ATP10D: variants seen among roughly 807,000 people sequenced by gnomAD.
ATP10D encodes phospholipid-transporting ATPase VD.
In ATP10D, 89 loss-of-function variants were observed where a neutral mutation model predicts 144.8. The ratio of observed to expected loss-of-function variants is 0.61; its 90% confidence interval spans 0.52 to 0.73. The LOEUF (loss-of-function observed/expected upper bound fraction) is 0.73. Ranked by LOEUF, ATP10D falls within the 30% of genes least tolerant of loss-of-function variation. The pLI is 0.00. For synonymous variants in ATP10D, 571 were observed against 615.1 expected (o/e 0.93, Z 1.06); for missense variants, 1,603 against 1,714.8 (o/e 0.93, Z 1.15).
chr4:47,580,296 A>G (rs1019762193), intron 19 of ATP10D, 102 bp from the exon 20 acceptor site: 10 of 918,660 alleles, frequency 1.1e-5, no homozygotes, highest in Non-Finnish European at 1.8e-5. Context: ...GAAGAAATGG[A>G]GCTTTCTCTC....
At chr4:47,520,565 TG>T (rs1427028491) in intron 3 of ATP10D, among the ~76,000 whole-genome samples, 1 of 152,038 alleles carries the variant, frequency 6.6e-6, no homozygotes, top group Non-Finnish European at 1.5e-5. Context: ...ACTTCTTTTT[TG>T]TTTTGTTTTG....
chr4:47,590,756 ATG>A (rs1720990113), intron 22 of ATP10D, among the ~76,000 whole-genome samples: 1 of 152,132 alleles, frequency 6.6e-6, no homozygotes, highest in Non-Finnish European at 1.5e-5. Flanking sequence ...CATTAAGCCT[ATG>A]TAGCAACTAT....
intron 5 of ATP10D, among the ~76,000 whole-genome samples, chr4:47,532,684 G>A (rs985093914): frequency 1.3e-5 from 2 of 152,136 alleles, no homozygotes; most frequent in Non-Finnish European, 2.9e-5. Flanking sequence ...TAAGCTACCT[G>A]TCTATATGAC....
At chr4:47,524,127 C>T (rs1395048941) in intron 4 of ATP10D, among the ~76,000 whole-genome samples, 3 of 152,070 alleles carry the variant, frequency 2.0e-5, no homozygotes, top group Non-Finnish European at 4.4e-5. Context: ...ACGGTTTGAC[C>T]GTGTTAGCCA....
In ATP10D at chr4:47,515,952, G is replaced by A. The variant is rs559227039; in HGVS notation, c.485+282G>A. Among the ~76,000 whole-genome samples the A allele has an allele frequency of 1.2e-4, 19 of 152,304 alleles. No individual in the cohort carries two copies. In the South Asian group the frequency reaches 2.1e-3, roughly 17 times the overall value. ...ATTAAAAGAATTAAACTTCAGGGCC[G>A]GGCGTGGTGGCTCACGCCTGTAATC... On this transcript the variant is annotated intron_variant, in intron 3 of 22. Transcript: ENST00000273859.
At chr4:47,568,389 C>G (rs187053780) in intron 15 of ATP10D, among the ~76,000 whole-genome samples, 98 of 152,284 alleles carry the variant, frequency 6.4e-4, no homozygotes, top group Middle Eastern at 6.8e-3. Context: ...ATGTGTCATG[C>G]CTTACACTAG....
intron 1 of ATP10D, chr4:47,491,280 GT>G: frequency 4.5e-6 from 4 of 890,102 alleles, no homozygotes; most frequent in Non-Finnish European, 5.5e-6. Context: ...GACTCTTCCA[GT>G]TTTGCCATGG....
intron 10 of ATP10D, among the ~76,000 whole-genome samples, chr4:47,552,597 G>A (rs1718782757): frequency 6.6e-6 from 1 of 152,186 alleles, no homozygotes. Flanking sequence ...TCACCTTGCA[G>A]GTTAGGATTT....
intron 10 of ATP10D, among the ~76,000 whole-genome samples, chr4:47,554,139 A>G (rs1209802860): frequency 6.6e-6 from 1 of 152,248 alleles, no homozygotes; most frequent in Non-Finnish European, 1.5e-5. Flanking sequence ...AGAAGAAAGT[A>G]TAGTTGCCAA....
chr4:47,589,020 G>T (rs151245702), intron 22 of ATP10D, among the ~76,000 whole-genome samples: 12 of 152,254 alleles, frequency 7.9e-5, no homozygotes, highest in East Asian at 7.7e-4. Flanking sequence ...TATCCAGGTG[G>T]ATCCTAAATG....
At chr4:47,494,451 C>T (rs530871556) in intron 1 of ATP10D, among the ~76,000 whole-genome samples, 4 of 150,288 alleles carry the variant, frequency 2.7e-5, no homozygotes, top group African/African-American at 9.8e-5. Flanking sequence ...TTTCATAGTG[C>T]ATCTGTAAAC....
At chr4:47,512,858 T>A (rs545302277) in intron 2 of ATP10D, 28 bp downstream of exon 2, 2 of 1,559,118 alleles carry the variant, frequency 1.3e-6, no homozygotes, top group Non-Finnish European at 1.8e-6. Context: ...AAGAAAACCT[T>A]AGAATATCAT....
chr4:47,514,841 T>A (rs1354385657), intron 2 of ATP10D, among the ~76,000 whole-genome samples: 1 of 152,152 alleles, frequency 6.6e-6, no homozygotes, highest in African/African-American at 2.4e-5. Flanking sequence ...AACTCTGAAT[T>A]TCTTCTAAAT....
In ATP10D at chr4:47,485,291, G is replaced by A. The variant is rs943889856; in HGVS notation, c.-266G>A. On this transcript the variant is annotated 5_prime_UTR_variant, in exon 1 of 23. Transcript: ENST00000273859. ...GGCTGCTCTGCAGCCTGGCGGAGAC[G>A]GGAGGAGGAGCGGAGGGAGAAGTAG... 2 of 152,440 alleles carry A rather than the reference G, an allele frequency of 1.3e-5. No individual in the cohort carries two copies. Among genetic ancestry groups the A allele is most frequent in the African/African-American group, 4.8e-5 (2 of 41,452 alleles). The allele number at this position is 152,440 out of a possible 1,614,324, so 9.4% of individuals were successfully genotyped here. A position where few individuals can be genotyped will look rare whatever the true frequency, so the allele number is the denominator to read the frequency against.
intron 22 of ATP10D, among the ~76,000 whole-genome samples, chr4:47,587,990 C>A (rs1720867134): frequency 1.3e-5 from 2 of 150,668 alleles, no homozygotes; most frequent in African/African-American, 5.0e-5. Context: ...GTTTGTTTTT[C>A]ATGTAGTGGC....
chr4:47,523,462 G>A (rs1321155424), intron 4 of ATP10D, among the ~76,000 whole-genome samples: 2 of 152,100 alleles, frequency 1.3e-5, no homozygotes, highest in African/African-American at 4.8e-5. Flanking sequence ...TGGAATTAAA[G>A]GAACCTAACA....
At chr4:47,546,426 A>C (rs889283483) in intron 9 of ATP10D, among the ~76,000 whole-genome samples, 198 bp from the exon 10 acceptor site, 1 of 152,158 alleles carries the variant, frequency 6.6e-6, no homozygotes, top group Non-Finnish European at 1.5e-5. Context: ...ATGGAAAAAG[A>C]AGGGAATTTT....
At chr4:47,560,902 A>G (rs1363581902) in intron 13 of ATP10D, 47 bp from the exon 14 acceptor site, 3 of 1,611,132 alleles carry the variant, frequency 1.9e-6, no homozygotes, top group Admixed American at 1.7e-5. Flanking sequence ...GTATTCCCAC[A>G]AGATCATATG....
rs138843199 is a variant in ATP10D at position 47,488,916 on chromosome 4, A to G, written c.-38+3397A>G. On this transcript the variant is annotated intron_variant, in intron 1 of 22. Coordinates refer to ENST00000273859, the MANE Select transcript of ATP10D (RefSeq NM_020453.4). ...AGGATGCAGTGAGAAGGTGCCACCT[A>G]TGAATCAGAAAGTGAGCTCTCACCA... Among the ~76,000 whole-genome samples the G allele has an allele frequency of 6.3e-3, 958 of 152,346 alleles. 4 individuals are homozygous for G. The highest frequency in any genetic ancestry group is 9.9e-3 in the Non-Finnish European group (673 of 68,030).
Sources: gnomAD v4.1 joint callset for allele counts (sites outside exome capture counted in the v4.1 genomes callset) on GRCh38, gnomAD v4.1.1 for gene constraint, MANE v1.5 for transcripts, NCBI Gene and HGNC (gene_info 2026-07-23, HGNC 2026-07-21) for gene names.